SLC5A10: variants seen among roughly 807,000 people sequenced by gnomAD.
SLC5A10 encodes sodium/mannose cotransporter SLC5A10.
A neutral mutation model predicts 68.9 loss-of-function variants in SLC5A10; 55 were observed. The observed-to-expected ratio is 0.80, with a 90% CI of 0.64 to 1.00. The LOEUF (loss-of-function observed/expected upper bound fraction) is 1.00, where lower values mean the gene tolerates loss of function less well. SLC5A10 is among the 50% of genes least tolerant of loss of function. SLC5A10 has a pLI of 0.00. For synonymous variants in SLC5A10, 344 were observed against 344.8 expected (o/e 1.00, Z 0.02); for missense variants, 732 against 819.3 (o/e 0.89, Z 1.30).
Position 19,017,362 on chromosome 17 carries a change from G to T in SLC5A10, c.1242-2061G>T. 4.5e-6 allele frequency: 7 copies of T among 1,551,906 alleles called. No homozygotes were observed. Among genetic ancestry groups the T allele is most frequent in the Non-Finnish European group, 6.1e-6 (7 of 1,147,020 alleles). On this transcript the variant is annotated intron_variant, in intron 11 of 14. Coordinates refer to ENST00000395645, the MANE Select transcript of SLC5A10 (RefSeq NM_001042450.4). This position sits in a 1 kb window ranked among gnomAD's most constrained non-coding sequence, Gnocchi z 5.6. ...TGCCCGAAACACCACCATTGGAGCGGTATCTCCTAGGCCTCGTGGTCATGG... is the reference window on the plus strand; with the variant it reads ...TGCCCGAAACACCACCATTGGAGCGTTATCTCCTAGGCCTCGTGGTCATGG...
intron 9 of SLC5A10, among the ~76,000 whole-genome samples, chr17:19,006,100 T>C (rs149990118): frequency 5.3e-4 from 81 of 152,302 alleles, no homozygotes; most frequent in African/African-American, 1.9e-3. Context: ...ACTTCTGCAG[T>C]TGATGAGCAG....
intron 9 of SLC5A10, among the ~76,000 whole-genome samples, chr17:19,007,833 T>A (rs1036610959): frequency 6.6e-6 from 1 of 152,228 alleles, no homozygotes; most frequent in African/African-American, 2.4e-5. Context: ...TAAGAACTAT[T>A]CACTTTGTTG....
intron 1 of SLC5A10, among the ~76,000 whole-genome samples, chr17:18,958,158 C>T (rs2042540496): frequency 6.6e-6 from 1 of 152,236 alleles, no homozygotes; most frequent in African/African-American, 2.4e-5. Flanking sequence ...GCAGCATCCA[C>T]CTCCTGGGCT....
At chr17:18,955,168 C>T (rs2042473533) in intron 1 of SLC5A10, among the ~76,000 whole-genome samples, 1 of 151,270 alleles carries the variant, frequency 6.6e-6, no homozygotes, top group Non-Finnish European at 1.5e-5. Flanking sequence ...GCAGTATGAT[C>T]CAGGGATTCA....
In SLC5A10 at chr17:18,972,380, A is replaced by G. The variant is rs1181780941; in HGVS notation, c.846+1162A>G. 1.3e-5 allele frequency among the ~76,000 whole-genome samples: 2 copies of G among 152,162 alleles called. 1 individual carries two copies. The highest frequency in any genetic ancestry group is 2.9e-5 in the Non-Finnish European group (2 of 68,010). ...CACAGCGCTCACACAAGCCTTTCCC[A>G]CGTGGCCTACCCTGGGAGTAGGCCC... On this transcript the variant is annotated intron_variant, in intron 8 of 14. Transcript: ENST00000395645.
At chr17:18,979,546 C>T in intron 9 of SLC5A10, 1 of 1,612,944 alleles carries the variant, frequency 6.2e-7, no homozygotes, top group Non-Finnish European at 8.5e-7. Context: ...GCTGGAGAGT[C>T]ACCTGTAGGA....
intron 8 of SLC5A10, chr17:18,976,557 T>C: frequency 2.6e-6 from 1 of 390,278 alleles, no homozygotes; most frequent in Non-Finnish European, 4.6e-6. Context: ...CCTCCAGCCC[T>C]GACAATTGCC....
chr17:18,980,957 T>C (rs1397295035), intron 9 of SLC5A10, among the ~76,000 whole-genome samples: 3 of 152,170 alleles, frequency 2.0e-5, no homozygotes, highest in Admixed American at 6.5e-5. Context: ...GGCTTCTGGC[T>C]CTCGGCTATG....
At chr17:18,978,978 G>T in intron 9 of SLC5A10, 3 of 1,061,926 alleles carry the variant, frequency 2.8e-6, no homozygotes, top group Admixed American at 2.4e-5. Flanking sequence ...GTGAATGGGG[G>T]CAGAGAGCAG....
intron 10 of SLC5A10, among the ~76,000 whole-genome samples, chr17:19,014,657 C>T (rs1351498088): frequency 1.3e-5 from 2 of 152,206 alleles, no homozygotes; most frequent in East Asian, 3.8e-4. Flanking sequence ...TCTGAGCTTC[C>T]ATTTCCTCAT....
chr17:19,017,135 C>A lies in SLC5A10; in HGVS notation c.1241+1936C>A. ...CCTGCAAGCCTGGCAGTCGGCCTCC[C>A]TGAGGAGCAAGGCACAAGGCTGCGT... On this transcript the variant is annotated intron_variant, in intron 11 of 14. Coordinates refer to ENST00000395645, the MANE Select transcript of SLC5A10 (RefSeq NM_001042450.4). The surrounding 1 kb of genome is among the most constrained non-coding windows in gnomAD (Gnocchi z 5.6). 1 of 684,742 alleles carries A rather than the reference C, an allele frequency of 1.5e-6. No homozygotes were observed. The allele number at this position is 684,742 out of a possible 1,614,324, so 42.4% of individuals were successfully genotyped here.
At chr17:18,961,618 A>C (rs755829209) in intron 5 of SLC5A10, among the ~76,000 whole-genome samples, 5 of 152,194 alleles carry the variant, frequency 3.3e-5, no homozygotes, top group Non-Finnish European at 5.9e-5. Flanking sequence ...GAAAGCCCAG[A>C]AGAGGCGTCG....
intron 7 of SLC5A10, chr17:18,970,753 G>A (rs1209895680): frequency 1.4e-5 from 7 of 496,736 alleles, no homozygotes; most frequent in East Asian, 1.1e-4. Flanking sequence ...CTGGGCCAGC[G>A]GGACACTGGG....
At chr17:19,015,594 C>T (rs896150491) in intron 11 of SLC5A10, among the ~76,000 whole-genome samples, 1 of 152,270 alleles carries the variant, frequency 6.6e-6, no homozygotes, top group African/African-American at 2.4e-5. Flanking sequence ...GTCCCTCAGC[C>T]TCCATGGCCC....
At chr17:18,974,190 C>A (rs2042927183) in intron 8 of SLC5A10, among the ~76,000 whole-genome samples, 1 of 151,522 alleles carries the variant, frequency 6.6e-6, no homozygotes, top group Admixed American at 6.6e-5. Context: ...CATGCCCAGC[C>A]AATTTTTGTA....
chr17:19,014,946 A>G lies in SLC5A10; in HGVS notation c.1091-103A>G, dbSNP rs980928185. On this transcript the variant is annotated intron_variant, in intron 10 of 14. Transcript: ENST00000395645. ...TCCCCGCCCTCTGCCTTGGAGGAGC[A>G]TGCAAATGGCGGGCGGGCCTCAGGC... is the stretch of plus-strand genomic sequence containing the variant. 3 of 1,396,858 alleles carry G rather than the reference A, an allele frequency of 2.1e-6. No individual in the cohort carries two copies. The African/African-American group carries it at 4.3e-5, about 20-fold the overall frequency. 86.5% of individuals were successfully genotyped at this position (1,396,858 alleles called of 1,614,324 possible).
At position 18,971,197 on chromosome 17, in the gene SLC5A10, C is replaced by G; in HGVS notation, c.825C>G (p.Thr275=). 5.0e-6 allele frequency: 8 copies of G among 1,613,992 alleles called. No homozygotes were observed. The highest frequency in any genetic ancestry group is 6.8e-6 in the Non-Finnish European group (8 of 1,180,044). The change falls in exon 8 of 15, where the codon ACC becomes ACG. Residue 275 remains threonine, a synonymous_variant. Transcript: ENST00000395645. The surrounding 1 kb of genome is among the most constrained non-coding windows in gnomAD (Gnocchi z 5.5). ...GMTFGLTIMA[T]WYWCTDQVIV... ...CCTTTGGCCTGACCATCATGGCCAC[C>G]TGGTACTGGTGCACCGACCAGGTGA...
chr17:19,002,052 TC>T (rs2043741789), intron 9 of SLC5A10, among the ~76,000 whole-genome samples: 1 of 152,140 alleles, frequency 6.6e-6, no homozygotes, highest in Non-Finnish European at 1.5e-5. Context: ...CAGCACTTCC[TC>T]CACACCACAG....
intron 9 of SLC5A10, chr17:18,988,172 G>A (rs2043316729): frequency 6.4e-7 from 1 of 1,558,548 alleles, no homozygotes. Flanking sequence ...GAGCAGGCAG[G>A]TACTCGAAGT....
Sources: gnomAD v4.1 joint callset for allele counts (sites outside exome capture counted in the v4.1 genomes callset) on GRCh38, gnomAD v4.1.1 for gene constraint, Gnocchi (gnomAD v3.1) non-coding constraint, MANE v1.5 for transcripts, NCBI Gene and HGNC (gene_info 2026-07-23, HGNC 2026-07-21) for gene names.